Variants in PCDH9 observed in about 807,000 individuals in gnomAD.
PCDH9 encodes protocadherin-9.
In PCDH9, 24 loss-of-function variants were observed where a neutral mutation model predicts 70.6. That is an observed-to-expected ratio of 0.34 (90% CI 0.25 to 0.48). The LOEUF is 0.48. Among genes scored for constraint, PCDH9 ranks in the 20% least tolerant of loss-of-function variants. The pLI is 0.99. For missense variants in PCDH9, 1,281 were observed against 1,503.6 expected, an observed-to-expected ratio of 0.85 and a Z score of 2.45; for synonymous variants, 562 against 558.5, an observed-to-expected ratio of 1.01 and a Z score of -0.09.
chr13:66,660,023 T>C (rs1202861847), intron 3 of PCDH9, among the ~76,000 whole-genome samples: 2 of 152,212 alleles, frequency 1.3e-5, no homozygotes, highest in African/African-American at 4.8e-5. Context: ...TGTTTGGAGC[T>C]AAACGAATGC....
At chr13:66,518,726 G>A (rs1311160520) in intron 4 of PCDH9, among the ~76,000 whole-genome samples, 1 of 152,118 alleles carries the variant, frequency 6.6e-6, no homozygotes, top group Non-Finnish European at 1.5e-5. Flanking sequence ...GTGGGGTGGT[G>A]GTAATAAGTT....
intron 4 of PCDH9, among the ~76,000 whole-genome samples, chr13:66,379,116 A>G (rs540276426): frequency 2.0e-5 from 3 of 152,356 alleles, no homozygotes; most frequent in Admixed American, 2.0e-4. Context: ...TGAAGAAATA[A>G]GGGCAGAAGA....
chr13:66,908,117 C>T lies in PCDH9; in HGVS notation c.3037-4512G>A, dbSNP rs143566045. Among the ~76,000 whole-genome samples the T allele has an allele frequency of 5.3e-3, 800 of 152,256 alleles. 9 individuals carry two copies. Among genetic ancestry groups the T allele is most frequent in the African/African-American group, 0.018 (756 of 41,570 alleles). Reference sequence around the variant, plus strand: ...TTGGTATCTTCAACTTCTCTCTATGCATTTCTTTAGAGATCCACATGTATT... The same window carrying T: ...TTGGTATCTTCAACTTCTCTCTATGTATTTCTTTAGAGATCCACATGTATT... On this transcript the variant is annotated intron_variant, in intron 2 of 4. Coordinates refer to ENST00000377865, the MANE Select transcript of PCDH9 (RefSeq NM_203487.3).
intron 4 of PCDH9, among the ~76,000 whole-genome samples, chr13:66,378,160 T>G (rs1956783008): frequency 6.6e-6 from 1 of 152,184 alleles, no homozygotes; most frequent in South Asian, 2.1e-4. Flanking sequence ...GCCCTGAGGA[T>G]GAAGAGAAGT....
At chr13:67,001,628 A>G (rs55817952) in intron 2 of PCDH9, among the ~76,000 whole-genome samples, 28,976 of 152,064 alleles carry the variant, frequency 0.19, 2,939 homozygotes, top group Middle Eastern at 0.27. Flanking sequence ...AGAGGGCAAC[A>G]TGGGATCTAA....
At chr13:66,565,852 A>G (rs2076644895) in intron 4 of PCDH9, among the ~76,000 whole-genome samples, 1 of 152,096 alleles carries the variant, frequency 6.6e-6, no homozygotes, top group Admixed American at 6.5e-5. Context: ...TCTCTCTCCT[A>G]TTTCCTCCTA....
intron 3 of PCDH9, among the ~76,000 whole-genome samples, chr13:66,711,790 G>C (rs555561769): frequency 4.6e-5 from 7 of 152,254 alleles, no homozygotes; most frequent in South Asian, 2.1e-4. Context: ...GGAGTCTGCT[G>C]TATGCTCAGC....
rs199934927 is a variant in PCDH9, at chr13:66,560,065, A to G, written c.3340+71145T>C. Among the ~76,000 whole-genome samples, 25 of 152,094 alleles carry G rather than the reference A, an allele frequency of 1.6e-4. No homozygotes were observed. The East Asian group carries it at 4.8e-3, about 29-fold the overall frequency. On this transcript the variant is annotated intron_variant, in intron 4 of 4. Transcript: ENST00000377865. ...AATTGTTGTTTCTCTGTGTTGGGAA[A>G]GGCTGTCTCCTGCATGCAGTCCTGT...
intron 3 of PCDH9, among the ~76,000 whole-genome samples, chr13:66,868,645 A>G (rs796777556): frequency 1.3e-5 from 2 of 152,242 alleles, no homozygotes; most frequent in African/African-American, 4.8e-5. Context: ...AAAACCAACG[A>G]TAAATACTTT....
intron 2 of PCDH9, among the ~76,000 whole-genome samples, chr13:67,088,703 A>G (rs2086158201): frequency 1.3e-5 from 2 of 152,078 alleles, no homozygotes; most frequent in African/African-American, 4.8e-5. Context: ...AGCATAATAT[A>G]ACATCAGGCT....
chr13:66,902,152 C>A (rs533793696), intron 3 of PCDH9, among the ~76,000 whole-genome samples: 2 of 151,492 alleles, frequency 1.3e-5, no homozygotes, highest in East Asian at 3.9e-4. Context: ...AACTATGGTT[C>A]TTCTCTCAAT....
chr13:67,042,544 C>T (rs2085141683), intron 2 of PCDH9, among the ~76,000 whole-genome samples: 1 of 152,126 alleles, frequency 6.6e-6, no homozygotes, highest in African/African-American at 2.4e-5. Context: ...TGGGTTATCA[C>T]AAAGACAATT....
At chr13:67,095,299 C>A (rs1030262214) in intron 2 of PCDH9, among the ~76,000 whole-genome samples, 6 of 152,032 alleles carry the variant, frequency 3.9e-5, no homozygotes, top group African/African-American at 1.4e-4. Context: ...TGTATGTTAA[C>A]TATTACAGTT....
At chr13:66,897,036 G>T (rs1353466309) in intron 3 of PCDH9, among the ~76,000 whole-genome samples, 1 of 152,108 alleles carries the variant, frequency 6.6e-6, no homozygotes. Context: ...CTTGCATCTT[G>T]AGTATCTCTT....
chr13:66,486,010 G>A (rs955245465), intron 4 of PCDH9, among the ~76,000 whole-genome samples: 2 of 152,086 alleles, frequency 1.3e-5, no homozygotes, highest in African/African-American at 4.8e-5. Flanking sequence ...TTACAGGTGC[G>A]AGCCACTGTG....
rs1955965396 is a variant in PCDH9, at chr13:66,332,729, G to T, written c.3341-27701C>A. ...CTATTCCACAGGAAGGACATTCTGG[G>T]CAACAGGAACCAGAGGAGAAGGGGA... On this transcript the variant is annotated intron_variant, in intron 4 of 4. Transcript: ENST00000377865. 2.6e-5 allele frequency among the ~76,000 whole-genome samples: 4 copies of T among 151,916 alleles called. No homozygotes were observed. The South Asian group carries it at 8.3e-4, about 32-fold the overall frequency.
At chr13:66,622,433 G>A (rs2077436209) in intron 4 of PCDH9, among the ~76,000 whole-genome samples, 1 of 152,218 alleles carries the variant, frequency 6.6e-6, no homozygotes, top group African/African-American at 2.4e-5. Context: ...GGGACGTGGA[G>A]AACCTTTGTG....
chr13:66,351,073 T>A (rs1003718104), intron 4 of PCDH9, among the ~76,000 whole-genome samples: 1 of 152,196 alleles, frequency 6.6e-6, no homozygotes, highest in Non-Finnish European at 1.5e-5. Context: ...ATAATGATTT[T>A]AAAATAACTC....
At chr13:66,965,898 G>A (rs183030611) in intron 2 of PCDH9, among the ~76,000 whole-genome samples, 3 of 151,908 alleles carry the variant, frequency 2.0e-5, no homozygotes, top group Non-Finnish European at 4.4e-5. Flanking sequence ...TTTAAAACAT[G>A]CAAATCAATA....
Sources: gnomAD v4.1 joint callset for allele counts (sites outside exome capture counted in the v4.1 genomes callset) on GRCh38, gnomAD v4.1.1 for gene constraint, MANE v1.5 for transcripts, NCBI Gene and HGNC (gene_info 2026-07-23, HGNC 2026-07-21) for gene names.